Variants in CNST observed in about 807,000 individuals in gnomAD.
CNST encodes consortin.
Under a neutral mutation model 72.4 loss-of-function variants are expected in CNST, and 39 were observed. That is an observed-to-expected ratio of 0.54 (90% CI 0.42 to 0.70). The LOEUF (loss-of-function observed/expected upper bound fraction) is 0.70. Ranked by LOEUF, CNST falls within the 30% of genes least tolerant of loss-of-function variation. The probability of loss-of-function intolerance (pLI) is 0.00; values close to 1 mark genes in which losing one functional copy is unlikely to be tolerated. For missense variants in CNST, 871 were observed against 868.5 expected (o/e 1.00, Z -0.04); for synonymous variants, 332 against 320.1 (o/e 1.04, Z -0.40).
At position 246,666,870 on chromosome 1, in the gene CNST, C is replaced by G. The variant is rs1309751576; in HGVS notation, c.*965C>G. The G allele has an allele frequency of 6.6e-6, 1 of 152,102 alleles. No individual in the cohort carries two copies. Among genetic ancestry groups the G allele is most frequent in the Non-Finnish European group, 1.5e-5 (1 of 68,018 alleles). 9.4% of individuals were successfully genotyped at this position (152,102 alleles called of 1,614,324 possible). On this transcript the variant is annotated 3_prime_UTR_variant, in exon 11 of 11. Coordinates refer to ENST00000366513, the MANE Select transcript of CNST (RefSeq NM_152609.3). Reference sequence around the variant, plus strand: ...AATCCTGGTCTTATATAGAATAAACCAGTACTTTGCTGAGTGAAATCACCA... The same window carrying G: ...AATCCTGGTCTTATATAGAATAAACGAGTACTTTGCTGAGTGAAATCACCA...
intron 10 of CNST, among the ~76,000 whole-genome samples, chr1:246,664,006 T>C (rs1303181602): frequency 1.3e-5 from 2 of 152,194 alleles, no homozygotes; most frequent in Non-Finnish European, 2.9e-5. Flanking sequence ...ATAAAGTCTA[T>C]TTGGTATCCA....
intron 2 of CNST, among the ~76,000 whole-genome samples, chr1:246,613,819 G>A (rs1413376610): frequency 4.1e-5 from 6 of 146,494 alleles, no homozygotes; most frequent in South Asian, 2.3e-4. Flanking sequence ...TCAGCCTCCC[G>A]AGTAGCTGGA....
intron 9 of CNST, among the ~76,000 whole-genome samples, chr1:246,648,412 A>G (rs1054216040): frequency 1.3e-5 from 2 of 152,190 alleles, no homozygotes; most frequent in African/African-American, 4.8e-5. Context: ...CAGATAAAAT[A>G]TGATATGTAC....
chr1:246,623,071 C>T (rs1664194182), intron 3 of CNST, among the ~76,000 whole-genome samples: 1 of 152,204 alleles, frequency 6.6e-6, no homozygotes, highest in African/African-American at 2.4e-5. Flanking sequence ...GATCCACCCG[C>T]CTCGGCCTTC....
intron 1 of CNST, among the ~76,000 whole-genome samples, chr1:246,590,610 C>T (rs927947831): frequency 6.7e-6 from 1 of 150,308 alleles, no homozygotes; most frequent in Non-Finnish European, 1.5e-5. Context: ...CATTTCTACT[C>T]ATTAAGTTGA....
chr1:246,623,698 G>T (rs541799957), intron 3 of CNST, among the ~76,000 whole-genome samples: 5 of 151,944 alleles, frequency 3.3e-5, no homozygotes, highest in Non-Finnish European at 7.4e-5. Flanking sequence ...GGAGGCGGAG[G>T]TTGCAGTGGG....
intron 3 of CNST, among the ~76,000 whole-genome samples, chr1:246,626,194 C>T (rs528539131): frequency 7.6e-4 from 115 of 151,962 alleles, no homozygotes; most frequent in African/African-American, 2.6e-3. Context: ...GGACTGCAGG[C>T]GCATGCCACC....
At position 246,658,325 on chromosome 1, in the gene CNST, G is replaced by C. The variant is rs140045397; in HGVS notation, c.1837-1874G>C. The stretch of plus-strand genomic sequence containing the variant: ...AAACCTGTTTTCTCTGTTGTGTGAG[G>C]GAGTTCTTTAATGACGATGTTGCTT... On this transcript the variant is annotated intron_variant, in intron 9 of 10. Transcript: ENST00000366513. Among the ~76,000 whole-genome samples, 367 of 152,132 alleles carry C rather than the reference G, an allele frequency of 2.4e-3. 1 individual carries two copies. Among genetic ancestry groups the C allele is most frequent in the African/African-American group, 8.5e-3 (354 of 41,502 alleles).
intron 1 of CNST, among the ~76,000 whole-genome samples, chr1:246,583,828 G>A (rs1167344675): frequency 6.6e-6 from 1 of 152,200 alleles, no homozygotes; most frequent in Admixed American, 6.5e-5. Flanking sequence ...ATGTGGGGCA[G>A]GAGCATCGTG....
chr1:246,655,877 T>C (rs983415877), intron 9 of CNST, among the ~76,000 whole-genome samples: 2 of 152,160 alleles, frequency 1.3e-5, no homozygotes, highest in Non-Finnish European at 2.9e-5. Context: ...AAATATGATA[T>C]AGTATGTAAA....
At chr1:246,665,614 T>C in intron 10 of CNST, 86 bp from the exon 11 acceptor site, 2 of 1,080,044 alleles carry the variant, frequency 1.9e-6, no homozygotes, top group African/African-American at 1.6e-5. Context: ...TAGAAATGTG[T>C]AGTTATCTTA....
At position 246,634,708 on chromosome 1, in the gene CNST, A is replaced by G. The variant is rs2103103210; in HGVS notation, c.818+121A>G. 18 of 643,554 alleles carry G rather than the reference A, an allele frequency of 2.8e-5. No individual in the cohort carries two copies. In the South Asian group the frequency reaches 3.1e-4, roughly 11 times the overall value. 39.9% of individuals were successfully genotyped at this position (643,554 alleles called of 1,614,324 possible). On this transcript the variant is annotated intron_variant, in intron 6 of 10. Transcript: ENST00000366513. ...CTGGAGAAATTAAGATGGATATAAT[A>G]TAATTATTGCAAGGCTCTAGTATTG...
chr1:246,656,604 C>CT, intron 9 of CNST, among the ~76,000 whole-genome samples: 1 of 152,012 alleles, frequency 6.6e-6, no homozygotes, highest in Non-Finnish European at 1.5e-5. Context: ...AATTCTTCAC[C>CT]TTTTAATACT....
At chr1:246,600,207 C>T (rs1376006814) in intron 2 of CNST, among the ~76,000 whole-genome samples, 1 of 152,216 alleles carries the variant, frequency 6.6e-6, no homozygotes, top group Non-Finnish European at 1.5e-5. Flanking sequence ...GCTAATATTC[C>T]TGCTTGAGCA....
rs1665019911 is a variant in CNST, at chr1:246,634,535, T to C, written c.766T>C (p.Phe256Leu). 3 of 1,609,174 alleles carry C rather than the reference T, an allele frequency of 1.9e-6. No homozygotes were observed. The South Asian group carries it at 3.3e-5, about 18-fold the overall frequency. ...VTALRNSEKGFNGEDFERLTK... is the reference protein window; with the variant it reads ...VTALRNSEKGLNGEDFERLTK... ...GGCTCTAAGGAATTCAGAAAAGGGATTTAATGGTGAAGATTTTGAACGGCT... is the reference window on the plus strand; with the variant it reads ...GGCTCTAAGGAATTCAGAAAAGGGACTTAATGGTGAAGATTTTGAACGGCT... The change falls in exon 6 of 11, where the codon TTT becomes CTT. Residue 256 changes from phenylalanine to leucine, a missense_variant. Coordinates refer to ENST00000366513, the MANE Select transcript of CNST (RefSeq NM_152609.3).
chr1:246,636,059 C>T (rs540784573), intron 6 of CNST, among the ~76,000 whole-genome samples: 10 of 152,184 alleles, frequency 6.6e-5, no homozygotes, highest in South Asian at 2.1e-4. Context: ...CTAGGATTGT[C>T]GCATAGTGCA....
chr1:246,569,614 A>G (rs920390025), intron 1 of CNST, among the ~76,000 whole-genome samples: 8 of 151,980 alleles, frequency 5.3e-5, no homozygotes, highest in South Asian at 2.1e-4. Context: ...TTCTCATTCT[A>G]TTGCCCAGGC....
intron 8 of CNST, among the ~76,000 whole-genome samples, chr1:246,644,388 CAAAAA>C (rs58278885): frequency 3.9e-5 from 4 of 102,144 alleles, no homozygotes; most frequent in East Asian, 3.0e-4. Flanking sequence ...ACTCTGTCTC[CAAAAA>C]AAAAAAAAAA....
At chr1:246,590,431 A>C (rs1305769480) in intron 1 of CNST, among the ~76,000 whole-genome samples, 1 of 152,056 alleles carries the variant, frequency 6.6e-6, no homozygotes, top group Non-Finnish European at 1.5e-5. Context: ...TTTCTTTCCA[A>C]CTTTTTGCTT....
Sources: allele counts gnomAD v4.1 joint callset (sites outside exome capture counted in the v4.1 genomes callset), GRCh38; gene constraint gnomAD v4.1.1; transcripts MANE v1.5; gene names NCBI Gene and HGNC (gene_info 2026-07-23, HGNC 2026-07-21).